Variants in PLXNA4 observed in about 807,000 individuals in gnomAD.
The protein encoded by PLXNA4 is plexin A4.
PLXNA4 carries 44 observed loss-of-function variants against 191.8 expected under a neutral mutation model. The ratio of observed to expected loss-of-function variants is 0.23; its 90% confidence interval spans 0.18 to 0.29. PLXNA4 has a LOEUF of 0.29. Ranked by LOEUF, PLXNA4 falls within the 10% of genes least tolerant of loss-of-function variation. The pLI is 1.00. For synonymous variants in PLXNA4, 1,082 were observed against 1,009.5 expected, an observed-to-expected ratio of 1.07 and a Z score of -1.36; for missense variants, 1,800 against 2,488.8, an observed-to-expected ratio of 0.72 and a Z score of 5.89.
At chr7:132,365,705 A>G (rs991465412) in intron 3 of PLXNA4, among the ~76,000 whole-genome samples, 1 of 152,214 alleles carries the variant, frequency 6.6e-6, no homozygotes, top group African/African-American at 2.4e-5. Context: ...GGCATCAGCA[A>G]GTAAATCTTT....
chr7:132,600,909 C>T (rs1324709330), intron 2 of PLXNA4, among the ~76,000 whole-genome samples: 2 of 151,922 alleles, frequency 1.3e-5, no homozygotes, highest in Non-Finnish European at 2.9e-5. Flanking sequence ...TTAATCTTTA[C>T]TATTATTTTT....
intron 2 of PLXNA4, among the ~76,000 whole-genome samples, chr7:132,629,557 T>C (rs946192750): frequency 6.6e-6 from 1 of 152,260 alleles, no homozygotes; most frequent in Non-Finnish European, 1.5e-5. Context: ...TGATGCATAC[T>C]GAGGATTGGG....
chr7:132,352,183 G>A (rs1301674031), intron 3 of PLXNA4, among the ~76,000 whole-genome samples: 1 of 152,158 alleles, frequency 6.6e-6, no homozygotes, highest in Non-Finnish European at 1.5e-5. Flanking sequence ...CAGGGGCTGG[G>A]CAGACCCTGT....
chr7:132,320,612 G>A (rs988673779), intron 3 of PLXNA4, among the ~76,000 whole-genome samples: 18 of 152,158 alleles, frequency 1.2e-4, no homozygotes, highest in African/African-American at 3.6e-4. Context: ...CTGGAGAGAG[G>A]AGAGCAGAGT....
In PLXNA4 at chr7:132,520,729, G is replaced by A. The variant is rs139683607; in HGVS notation, c.-86-11950C>T. On this transcript the variant is annotated intron_variant, in intron 1 of 31. Coordinates refer to ENST00000321063, the MANE Select transcript of PLXNA4 (RefSeq NM_020911.2). ...GATCCTTGGACCTCAGCATCTGTCC[G>A]GCCGCCCCTCCACTCCTAAAAGCCT... 1.6e-3 allele frequency among the ~76,000 whole-genome samples: 242 copies of A among 152,116 alleles called. 1 individual carries two copies. Among genetic ancestry groups the A allele is most frequent in the African/African-American group, 5.5e-3 (228 of 41,498 alleles).
At chr7:132,478,231 A>C (rs1304348443) in intron 3 of PLXNA4, among the ~76,000 whole-genome samples, 1 of 152,260 alleles carries the variant, frequency 6.6e-6, no homozygotes. Context: ...GAGGTTTAAG[A>C]TGTATCTTTC....
intron 4 of PLXNA4, among the ~76,000 whole-genome samples, chr7:132,273,323 AACAC>A (rs749633900): frequency 7.3e-5 from 11 of 149,712 alleles, no homozygotes; most frequent in South Asian, 6.3e-4. Flanking sequence ...ATTGGTTTTC[AACAC>A]ACACACACAC....
chr7:132,173,426 C>T (rs1246675277), intron 21 of PLXNA4, among the ~76,000 whole-genome samples: 2 of 152,158 alleles, frequency 1.3e-5, no homozygotes, highest in Admixed American at 6.5e-5. Flanking sequence ...GAAAAGGTGC[C>T]TTGTCGATGA....
At chr7:132,245,025 T>C (rs73157207) in intron 4 of PLXNA4, among the ~76,000 whole-genome samples, 5,872 of 151,872 alleles carry the variant, frequency 0.039, 179 homozygotes, top group Non-Finnish European at 0.059. Flanking sequence ...GCCTCTCCCA[T>C]CCCCCAACTC....
chr7:132,371,069 G>T (rs969223838), intron 3 of PLXNA4, among the ~76,000 whole-genome samples: 1 of 152,142 alleles, frequency 6.6e-6, no homozygotes, highest in Admixed American at 6.5e-5. Flanking sequence ...ACATGGAGTG[G>T]GAAAGGCACG....
intron 3 of PLXNA4, among the ~76,000 whole-genome samples, chr7:132,405,866 A>C (rs978047975): frequency 1.3e-5 from 2 of 152,192 alleles, no homozygotes; most frequent in African/African-American, 2.4e-5. Context: ...ACCCAGGAAA[A>C]CAAGTCTTCC....
rs572768622 is a variant in PLXNA4, at chr7:132,384,979, G to T, written c.1372-86757C>A. The T allele has an allele frequency of 5.8e-5, 79 of 1,372,010 alleles. No individual in the cohort carries two copies. The East Asian group carries it at 2.2e-3, about 37-fold the overall frequency. 85.0% of individuals were successfully genotyped at this position (1,372,010 alleles called of 1,614,324 possible). ...TCCAAAATTACCCATGGGACGCTTG[G>T]GGCAGAGAAAAGAGACCAACTACCT... On this transcript the variant is annotated intron_variant, in intron 3 of 31. Coordinates refer to ENST00000321063, the MANE Select transcript of PLXNA4 (RefSeq NM_020911.2).
chr7:132,235,250 C>T (rs1798660360), intron 5 of PLXNA4, among the ~76,000 whole-genome samples: 1 of 152,232 alleles, frequency 6.6e-6, no homozygotes, highest in Admixed American at 6.5e-5. Flanking sequence ...GGACCTGCTG[C>T]ATTGTAGGCC....
At chr7:132,559,908 G>A (rs1397986907) in intron 1 of PLXNA4, among the ~76,000 whole-genome samples, 1 of 152,224 alleles carries the variant, frequency 6.6e-6, no homozygotes, top group African/African-American at 2.4e-5. Flanking sequence ...CATCATAGAT[G>A]TGTGAAGCAA....
intron 4 of PLXNA4, among the ~76,000 whole-genome samples, chr7:132,285,321 CCCAGCTTGCAACTGGATAGCCTTCTGCA>C (rs1800644502): frequency 1.3e-5 from 2 of 152,218 alleles, no homozygotes; most frequent in Admixed American, 6.5e-5. Context: ...CTTCAAGCCA[CCCAGCTTGCAACTGGATAGCCTTCTGCA>C]CCAGCTGGAA....
chr7:132,432,938 G>T (rs544854736), intron 3 of PLXNA4, among the ~76,000 whole-genome samples: 1 of 152,088 alleles, frequency 6.6e-6, no homozygotes, highest in Non-Finnish European at 1.5e-5. Flanking sequence ...CATTGTTGGA[G>T]CTATCATGTC....
chr7:132,249,765 G>A (rs994147628), intron 4 of PLXNA4, among the ~76,000 whole-genome samples: 5 of 152,220 alleles, frequency 3.3e-5, no homozygotes, highest in Non-Finnish European at 4.4e-5. Flanking sequence ...CATAGTACAG[G>A]GGATTGAGAA....
At chr7:132,455,394 A>G (rs1796276801) in intron 3 of PLXNA4, among the ~76,000 whole-genome samples, 1 of 151,992 alleles carries the variant, frequency 6.6e-6, no homozygotes, top group African/African-American at 2.4e-5. Context: ...AGAACATGAG[A>G]AGGAGGAGAG....
At chr7:132,575,094 T>C (rs371747676) in intron 1 of PLXNA4, among the ~76,000 whole-genome samples, 1 of 152,188 alleles carries the variant, frequency 6.6e-6, no homozygotes, top group African/African-American at 2.4e-5. Flanking sequence ...CTTGTACATA[T>C]ATATTCAATT....
Sources: gnomAD v4.1 joint callset for allele counts (sites outside exome capture counted in the v4.1 genomes callset) on GRCh38, gnomAD v4.1.1 for gene constraint, MANE v1.5 for transcripts, NCBI Gene and HGNC (gene_info 2026-07-23, HGNC 2026-07-21) for gene names.